The following PCGF5 variants were observed in gnomAD, a reference collection of about 807,000 sequenced individuals.
PCGF5 encodes the protein polycomb group RING finger protein 5.
PCGF5 carries 9 observed loss-of-function variants against 44.3 expected under a neutral mutation model. The ratio of observed to expected loss-of-function variants is 0.20; its 90% CI spans 0.12 to 0.35. The LOEUF (loss-of-function observed/expected upper bound fraction) is 0.35. PCGF5 is among the 10% of genes least tolerant of loss of function. The pLI, the probability that PCGF5 is intolerant of heterozygous loss-of-function variation, is 1.00. For synonymous variants in PCGF5, 95 were observed against 102.5 expected, an observed-to-expected ratio of 0.93 and a Z score of 0.44; for missense variants, 146 against 305.3, an observed-to-expected ratio of 0.48 and a Z score of 3.89.
intron 1 of PCGF5, among the ~76,000 whole-genome samples, chr10:91,191,040 A>G (rs140850128): frequency 7.9e-4 from 121 of 152,362 alleles, no homozygotes; most frequent in African/African-American, 2.8e-3. Context: ...TCCCTGATCC[A>G]CAGGGAACAT....
chr10:91,188,225 C>T (rs940505305), intron 1 of PCGF5, among the ~76,000 whole-genome samples: 1 of 152,176 alleles, frequency 6.6e-6, no homozygotes, highest in African/African-American at 2.4e-5. Context: ...GGGTGCAGCG[C>T]ACCATGCGCG....
chr10:91,168,752 C>T, intron 1 of PCGF5, among the ~76,000 whole-genome samples: 1 of 151,638 alleles, frequency 6.6e-6, no homozygotes. Context: ...CATAGTGAAA[C>T]CCCGTCTCTA....
At chr10:91,223,861 A>G (rs1844745764) in intron 2 of PCGF5, among the ~76,000 whole-genome samples, 2 of 152,174 alleles carry the variant, frequency 1.3e-5, no homozygotes, top group Admixed American at 1.3e-4. Flanking sequence ...ATGGATAAGT[A>G]ACTTGTCTAG....
intron 1 of PCGF5, among the ~76,000 whole-genome samples, chr10:91,166,774 T>G (rs1254092825): frequency 6.6e-6 from 1 of 152,228 alleles, no homozygotes; most frequent in African/African-American, 2.4e-5. Flanking sequence ...TTTTGGAGCA[T>G]TCTGTCATCT....
chr10:91,278,214 CTG>C lies in PCGF5; in HGVS notation c.724-53_724-52del, dbSNP rs1222611879. On this transcript the variant is annotated intron_variant, in intron 9 of 9. Coordinates refer to ENST00000336126, the MANE Select transcript of PCGF5 (RefSeq NM_032373.5). ...ATTCTTAAAATCTTTCATATATAAACTGTATTGTTTTTATCCAAATACAGTCT... is the reference window on the plus strand; with the variant it reads ...ATTCTTAAAATCTTTCATATATAAACTATTGTTTTTATCCAAATACAGTCT... 12 of 1,390,612 alleles carry C rather than the reference CTG, an allele frequency of 8.6e-6. No homozygotes were observed. The Admixed American group carries it at 1.7e-4, about 20-fold the overall frequency. 86.1% of individuals were successfully genotyped at this position (1,390,612 alleles called of 1,614,324 possible).
intron 1 of PCGF5, among the ~76,000 whole-genome samples, chr10:91,184,825 A>G (rs149781537): frequency 1.5e-3 from 226 of 152,024 alleles, no homozygotes; most frequent in African/African-American, 5.3e-3. Context: ...ATTTTTCAGT[A>G]TCTGGAGGTA....
At chr10:91,243,495 T>C (rs1244483797) in intron 3 of PCGF5, among the ~76,000 whole-genome samples, 1 of 152,204 alleles carries the variant, frequency 6.6e-6, no homozygotes, top group Non-Finnish European at 1.5e-5. Context: ...GGAGATGTGC[T>C]GGAGCATAAA....
At chr10:91,189,710 TG>T (rs1589359831) in intron 1 of PCGF5, among the ~76,000 whole-genome samples, 1 of 152,224 alleles carries the variant, frequency 6.6e-6, no homozygotes, top group African/African-American at 2.4e-5. Flanking sequence ...GCACAATGCA[TG>T]GGGTTTATCT....
intron 2 of PCGF5, 122 bp from the exon 3 acceptor site, chr10:91,240,358 CTTAA>C (rs1454648109): frequency 1.2e-5 from 7 of 584,486 alleles, no homozygotes; most frequent in Non-Finnish European, 9.1e-6. Context: ...GTTTTTGAAG[CTTAA>C]TTAAATAATG....
intron 1 of PCGF5, among the ~76,000 whole-genome samples, chr10:91,163,585 G>T (rs1330777277): frequency 6.6e-6 from 1 of 152,040 alleles, no homozygotes; most frequent in Non-Finnish European, 1.5e-5. Context: ...CGCGCGCCCC[G>T]GCGCCTAGTT....
At chr10:91,247,716 G>A (rs767575792) in intron 3 of PCGF5, among the ~76,000 whole-genome samples, 3 of 152,148 alleles carry the variant, frequency 2.0e-5, no homozygotes, top group African/African-American at 4.8e-5. Flanking sequence ...ATTTCAGAAG[G>A]TAGAACAATA....
intron 1 of PCGF5, among the ~76,000 whole-genome samples, chr10:91,202,681 G>A (rs557894904): frequency 1.3e-4 from 20 of 152,280 alleles, no homozygotes; most frequent in African/African-American, 4.6e-4. Flanking sequence ...ATTGGTTTCA[G>A]TAAATAGAGG....
At chr10:91,181,149 A>C (rs1371669088) in intron 1 of PCGF5, among the ~76,000 whole-genome samples, 2 of 151,724 alleles carry the variant, frequency 1.3e-5, no homozygotes, top group East Asian at 3.9e-4. Context: ...TCTTGGCCTG[A>C]CCCTTGTTGG....
intron 1 of PCGF5, among the ~76,000 whole-genome samples, chr10:91,179,021 G>A (rs1843769055): frequency 1.3e-5 from 2 of 152,332 alleles, no homozygotes; most frequent in African/African-American, 2.4e-5. Flanking sequence ...CTTTGGGTAA[G>A]CCCTAGGGAA....
intron 6 of PCGF5, among the ~76,000 whole-genome samples, chr10:91,252,329 C>T (rs368082487): frequency 6.6e-6 from 1 of 151,858 alleles, no homozygotes; most frequent in Non-Finnish European, 1.5e-5. Context: ...TTTACTAATA[C>T]GTTTAATGGC....
intron 2 of PCGF5, among the ~76,000 whole-genome samples, chr10:91,239,394 T>C (rs1414370286): frequency 6.6e-6 from 1 of 152,222 alleles, no homozygotes; most frequent in Non-Finnish European, 1.5e-5. Flanking sequence ...CCATTGTTGC[T>C]TTGGTCAGTA....
chr10:91,205,310 C>CAT (rs397716469), intron 1 of PCGF5, among the ~76,000 whole-genome samples: 6 of 151,638 alleles, frequency 4.0e-5, no homozygotes, highest in Non-Finnish European at 5.9e-5. Flanking sequence ...CACACACACA[C>CAT]GGCCCAGCTA....
chr10:91,205,052 G>A (rs1453279228), intron 1 of PCGF5, among the ~76,000 whole-genome samples: 1 of 152,094 alleles, frequency 6.6e-6, no homozygotes, highest in African/African-American at 2.4e-5. Flanking sequence ...AGTAAACTAA[G>A]TTATATGTAA....
intron 1 of PCGF5, among the ~76,000 whole-genome samples, chr10:91,202,859 A>G (rs948637187): frequency 6.6e-6 from 1 of 152,216 alleles, no homozygotes; most frequent in Non-Finnish European, 1.5e-5. Flanking sequence ...GAGTTAGATC[A>G]TTCTTTGCTT....
Sources: allele counts gnomAD v4.1 joint callset (sites outside exome capture counted in the v4.1 genomes callset), GRCh38; gene constraint gnomAD v4.1.1; transcripts MANE v1.5; gene names NCBI Gene and HGNC (gene_info 2026-07-23, HGNC 2026-07-21).